The following ARMC9 variants were observed in gnomAD, a reference collection of about 807,000 sequenced individuals.
The protein encoded by ARMC9 is armadillo repeat containing 9.
In ARMC9, 94 loss-of-function variants were observed where a neutral mutation model predicts 107.0. The ratio of observed to expected loss-of-function variants is 0.88; its 90% CI spans 0.74 to 1.04. The LOEUF (loss-of-function observed/expected upper bound fraction) is 1.04. Among genes scored for constraint, ARMC9 ranks in the 50% least tolerant of loss-of-function variants. The probability of loss-of-function intolerance (pLI) is 0.00; values close to 1 mark genes in which losing one functional copy is unlikely to be tolerated. For synonymous variants in ARMC9, 380 were observed against 396.9 expected (o/e 0.96, Z 0.51); for missense variants, 942 against 1,030.1 (o/e 0.91, Z 1.17).
chr2:231,271,027 C>T lies in ARMC9; in HGVS notation c.1165C>T (p.Gln389Ter), dbSNP rs1189780573. The part of the protein sequence containing the change: ...LLHSTSDVVR[Q>*]YMARLINAFA... ...GCACTCCACGAGCGACGTGGTGCGGCAGTACATGGCCAGGCTCATCAATGC... is the reference window on the plus strand; with the variant it reads ...GCACTCCACGAGCGACGTGGTGCGGTAGTACATGGCCAGGCTCATCAATGC... The change falls in exon 13 of 25, where the codon CAG becomes TAG. Residue 389 changes from glutamine to a stop codon, truncating the protein, a stop_gained. Coordinates refer to ENST00000611582, the MANE Select transcript of ARMC9 (RefSeq NM_001352754.2). LOFTEE classifies it high-confidence loss of function. 47 of 1,614,016 alleles carry T rather than the reference C, an allele frequency of 2.9e-5. No individual in the cohort carries two copies. Among genetic ancestry groups the T allele is most frequent in the Non-Finnish European group, 3.9e-5 (46 of 1,180,040 alleles).
intron 17 of ARMC9, chr2:231,288,754 C>T (rs2040787874): frequency 6.4e-6 from 3 of 470,666 alleles, no homozygotes; most frequent in South Asian, 1.6e-5. Flanking sequence ...ACACGGCCGG[C>T]GAGGGGCTAC....
Position 231,360,803 on chromosome 2 carries a change from A to G in ARMC9, c.2181A>G (p.Glu727=), listed in dbSNP as rs2125593805. ...PGEWLPRGRQ[E]EPRPAPTGTP... ...AGTGGCTCCCAAGAGGACGCCAGGAAGAGCCTCGCCCAGCCCCCACGGGGA... is the reference window on the plus strand; with the variant it reads ...AGTGGCTCCCAAGAGGACGCCAGGAGGAGCCTCGCCCAGCCCCCACGGGGA... The change falls in exon 23 of 25, where the codon GAA becomes GAG. Residue 727 remains glutamate (E), a synonymous_variant. Coordinates refer to ENST00000611582, the MANE Select transcript of ARMC9 (RefSeq NM_001352754.2). The surrounding 1 kb of genome is among the most constrained non-coding windows in gnomAD (Gnocchi z 4.7). 2.0e-6 allele frequency: 3 copies of G among 1,536,168 alleles called. No homozygotes were observed. The highest frequency in any genetic ancestry group is 1.7e-6 in the Non-Finnish European group (2 of 1,146,904).
intron 24 of ARMC9, among the ~76,000 whole-genome samples, 156 bp downstream of exon 24, chr2:231,370,281 C>T (rs1016336960): frequency 6.6e-6 from 1 of 152,226 alleles, no homozygotes; most frequent in South Asian, 2.1e-4. Context: ...ACAACCAGGC[C>T]CCAGCAGGTG....
At chr2:231,298,705 G>A (rs1262866839) in intron 19 of ARMC9, among the ~76,000 whole-genome samples, 2 of 152,170 alleles carry the variant, frequency 1.3e-5, no homozygotes, top group East Asian at 1.9e-4. Flanking sequence ...TCAACACTTT[G>A]GGAGGCCGAG....
intron 16 of ARMC9, among the ~76,000 whole-genome samples, chr2:231,281,438 C>T (rs79024644): frequency 0.011 from 1,698 of 152,222 alleles, 9 homozygotes; most frequent in South Asian, 0.029. Flanking sequence ...GAGATAGAGG[C>T]CACCCCTTGA....
In ARMC9 at chr2:231,276,890, C is replaced by A; in HGVS notation, c.1474+115C>A. ...TTTTAGTCTCATAGAAAACTAAAAA[C>A]AGAAAAAGGAGTAGAAAGCATTTCC... On this transcript the variant is annotated intron_variant, in intron 15 of 24. Transcript: ENST00000611582. The A allele has an allele frequency of 2.9e-6, 4 of 1,386,532 alleles. No individual in the cohort carries two copies. The Admixed American group carries it at 7.6e-5, about 26-fold the overall frequency. 85.9% of individuals were successfully genotyped at this position (1,386,532 alleles called of 1,614,324 possible).
chr2:231,240,232 AG>A, intron 9 of ARMC9, 191 bp downstream of exon 9: 2 of 603,792 alleles, frequency 3.3e-6, no homozygotes, highest in Non-Finnish European at 5.8e-6. Flanking sequence ...CTGGCCTCCT[AG>A]GGAGGGTGAG....
intron 19 of ARMC9, among the ~76,000 whole-genome samples, chr2:231,304,643 C>T (rs1411730523): frequency 6.6e-6 from 1 of 152,164 alleles, no homozygotes; most frequent in Non-Finnish European, 1.5e-5. Flanking sequence ...GTGATCTGCC[C>T]ACCTCGTCCT....
At chr2:231,369,636 G>A (rs1243299581) in intron 23 of ARMC9, among the ~76,000 whole-genome samples, 6 of 141,092 alleles carry the variant, frequency 4.3e-5, no homozygotes, top group Admixed American at 2.9e-4. Flanking sequence ...TGCTCTTGTC[G>A]CCCAGGCTGG....
chr2:231,292,794 T>A (rs1481460256), intron 18 of ARMC9, among the ~76,000 whole-genome samples: 1 of 152,080 alleles, frequency 6.6e-6, no homozygotes, highest in Non-Finnish European at 1.5e-5. Context: ...GAAGAGTGAG[T>A]CTCAAGAGAG....
chr2:231,258,500 C>T (rs140956973), intron 10 of ARMC9, among the ~76,000 whole-genome samples: 4 of 152,230 alleles, frequency 2.6e-5, no homozygotes, highest in East Asian at 3.9e-4. Context: ...TTACTCTTCA[C>T]ACTTGTTTCC....
chr2:231,274,408 G>A (rs1216635371), intron 14 of ARMC9, among the ~76,000 whole-genome samples: 5 of 152,006 alleles, frequency 3.3e-5, no homozygotes, highest in Non-Finnish European at 7.4e-5. Context: ...GAGCCACCGC[G>A]CCCGGCCTAC....
At chr2:231,231,878 G>A (rs534340092) in intron 7 of ARMC9, among the ~76,000 whole-genome samples, 12 of 151,836 alleles carry the variant, frequency 7.9e-5, no homozygotes, top group Non-Finnish European at 1.0e-4. Context: ...TAGTAGAGAC[G>A]GGGTTTCCCC....
At chr2:231,348,256 T>G (rs2044889961) in intron 21 of ARMC9, among the ~76,000 whole-genome samples, 1 of 152,008 alleles carries the variant, frequency 6.6e-6, no homozygotes, top group African/African-American at 2.4e-5. Context: ...CAAAAGGAGG[T>G]GTGACAACTG....
Position 231,339,200 on chromosome 2 carries a change from CATCTGTA to C in ARMC9, c.1879-5771_1879-5765del, listed in dbSNP as rs75223159. On this transcript the variant is annotated intron_variant, in intron 20 of 24. Coordinates refer to ENST00000611582, the MANE Select transcript of ARMC9 (RefSeq NM_001352754.2). Reference sequence around the variant, plus strand: ...AAAATTAGCCAGGCGTGGTGGTGTGCATCTGTAATCCCAGCTACTCAGGAGGCTGAGG... The same window carrying C: ...AAAATTAGCCAGGCGTGGTGGTGTGCATCCCAGCTACTCAGGAGGCTGAGG... Among the ~76,000 whole-genome samples, 4,384 of 151,962 alleles carry C rather than the reference CATCTGTA, an allele frequency of 0.029. 443 individuals carry two copies. In the East Asian group the frequency reaches 0.4, roughly 14 times the overall value.
chr2:231,361,460 T>TA (rs567342793), intron 23 of ARMC9, among the ~76,000 whole-genome samples: 6,295 of 87,348 alleles, frequency 0.072, 486 homozygotes, highest in African/African-American at 0.25. Flanking sequence ...ATCAAAAAAC[T>TA]AAAAAAAAAA....
intron 9 of ARMC9, among the ~76,000 whole-genome samples, chr2:231,249,107 T>G (rs1269859591): frequency 6.6e-6 from 1 of 152,202 alleles, no homozygotes; most frequent in Non-Finnish European, 1.5e-5. Flanking sequence ...TAGCCTCTCC[T>G]GGGGTCTGGC....
intron 12 of ARMC9, 31 bp from the exon 13 acceptor site, chr2:231,270,951 C>G: frequency 1.2e-6 from 2 of 1,602,862 alleles, no homozygotes; most frequent in South Asian, 2.2e-5. Context: ...GTGTTCTTAA[C>G]CTTGTTTTTC....
chr2:231,368,432 A>G (rs1168771847), intron 23 of ARMC9, among the ~76,000 whole-genome samples: 1 of 152,170 alleles, frequency 6.6e-6, no homozygotes. Flanking sequence ...GAGTATATCA[A>G]TCAGAAGAAA....
Sources: gnomAD v4.1 joint callset for allele counts (sites outside exome capture counted in the v4.1 genomes callset) on GRCh38, gnomAD v4.1.1 for gene constraint, Gnocchi (gnomAD v3.1) non-coding constraint, MANE v1.5 for transcripts, NCBI Gene and HGNC (gene_info 2026-07-23, HGNC 2026-07-21) for gene names.